LRRC7: variants seen among roughly 807,000 people sequenced by gnomAD.
LRRC7 encodes leucine rich repeat containing 7, also known as leucine-rich repeat-containing protein 7.
Under a neutral mutation model 175.7 loss-of-function variants are expected in LRRC7, and 23 were observed. The ratio of observed to expected loss-of-function variants is 0.13; its 90% CI spans 0.09 to 0.19. LRRC7 has a LOEUF of 0.19. Among genes scored for constraint, LRRC7 ranks in the 10% least tolerant of loss-of-function variants. The probability of loss-of-function intolerance (pLI) is 1.00; values close to 1 mark genes in which losing one functional copy is unlikely to be tolerated. For missense variants in LRRC7, 1,354 were observed against 1,904.7 expected, an observed-to-expected ratio of 0.71 and a Z score of 5.38; for synonymous variants, 685 against 680.9, an observed-to-expected ratio of 1.01 and a Z score of -0.09.
chr1:69,916,927 G>T (rs1354539066), intron 7 of LRRC7, among the ~76,000 whole-genome samples: 1 of 152,092 alleles, frequency 6.6e-6, no homozygotes, highest in Non-Finnish European at 1.5e-5. Flanking sequence ...ATTTTGGTTG[G>T]TGGAAAATGG....
chr1:69,767,306 G>C (rs143468073), intron 3 of LRRC7, among the ~76,000 whole-genome samples: 5 of 151,916 alleles, frequency 3.3e-5, no homozygotes, highest in African/African-American at 1.2e-4. Context: ...CAGAAAATTT[G>C]TTATAAAATG....
chr1:69,867,411 G>A (rs1685063319), intron 7 of LRRC7, among the ~76,000 whole-genome samples: 1 of 152,164 alleles, frequency 6.6e-6, no homozygotes, highest in South Asian at 2.1e-4. Context: ...AAGGTACCTA[G>A]TACAGAGCCA....
chr1:70,028,233 A>T lies in LRRC7; in HGVS notation c.1857A>T (p.Lys619Asn), dbSNP rs368837470. ...PYPEDLKNMV[K>N]SVQNLVGKPS... ...CAGAGGATTTAAAGAATATGGTAAAATCTGTTCAAAATTTGGTGGGTAAGC... is the reference window on the plus strand; with the variant it reads ...CAGAGGATTTAAAGAATATGGTAAATTCTGTTCAAAATTTGGTGGGTAAGC... The change falls in exon 18 of 27, where the codon AAA becomes AAT. Residue 619 changes from lysine (K) to asparagine (N), a missense_variant. Physicochemically the swap from Lys to Asn is moderately conservative, Grantham distance 94. Transcript: ENST00000651989. 3.9e-4 allele frequency: 637 copies of T among 1,613,818 alleles called. 14 individuals carry two copies. In the South Asian group the frequency reaches 6.7e-3, roughly 17 times the overall value.
chr1:69,860,795 G>C (rs138588980), intron 7 of LRRC7, among the ~76,000 whole-genome samples: 28 of 152,098 alleles, frequency 1.8e-4, no homozygotes, highest in Middle Eastern at 6.8e-3. Context: ...AAGAAGATTT[G>C]AATAAATGAA....
chr1:70,037,042 T>C (rs959023952), intron 20 of LRRC7, among the ~76,000 whole-genome samples: 4 of 152,140 alleles, frequency 2.6e-5, no homozygotes, highest in Non-Finnish European at 5.9e-5. Context: ...CATAATTTTA[T>C]CACCACCTGG....
intron 1 of LRRC7, among the ~76,000 whole-genome samples, chr1:69,570,691 T>C (rs2100873200): frequency 6.6e-6 from 1 of 151,968 alleles, no homozygotes; most frequent in African/African-American, 2.4e-5. Context: ...TTTTTGTTTG[T>C]TTGTTTTTAC....
chr1:70,094,665 A>G (rs1302229910), intron 25 of LRRC7, among the ~76,000 whole-genome samples: 3 of 152,214 alleles, frequency 2.0e-5, no homozygotes, highest in Admixed American at 6.5e-5. Context: ...AAGTTTTTAC[A>G]TGATTAATAT....
Position 70,018,808 on chromosome 1 carries a change from T to G in LRRC7, c.1410T>G (p.Arg470=), listed in dbSNP as rs757000873. Residue 470 remains arginine, a synonymous_variant, in exon 15 of 27, where the codon CGT becomes CGG. Coordinates refer to ENST00000651989, the MANE Select transcript of LRRC7 (RefSeq NM_001370785.2). ...ACTACATGTTTCCCCAGCAGCCTCG[T>G]GGTGATGAAGGTAAATTGTCAGTAG... ...LTNYMFPQQP[R]GDEDFQSDSD... is the part of the protein sequence containing the mutation. 11 of 1,611,192 alleles carry G rather than the reference T, an allele frequency of 6.8e-6. No homozygotes were observed. The highest frequency in any genetic ancestry group is 9.3e-6 in the Non-Finnish European group (11 of 1,177,842).
chr1:70,041,477 G>A (rs1166261704), intron 21 of LRRC7, among the ~76,000 whole-genome samples: 1 of 152,172 alleles, frequency 6.6e-6, no homozygotes, highest in Non-Finnish European at 1.5e-5. Context: ...GCTGTCAGTG[G>A]GAGACACCTG....
rs1484026968 is a variant in LRRC7 at position 70,131,012 on chromosome 1, C to A, written c.*9125C>A. Among the ~76,000 whole-genome samples the A allele has an allele frequency of 1.3e-5, 2 of 152,112 alleles. No homozygotes were observed. Among genetic ancestry groups the A allele is most frequent in the Non-Finnish European group, 2.9e-5 (2 of 68,014 alleles). On this transcript the variant is annotated 3_prime_UTR_variant, in exon 27 of 27. Transcript: ENST00000651989. Reference sequence around the variant, plus strand: ...GGCATCATTTCATGAATAGATCCCACCCCCTATATCCCTAAAGTGAAGATG... The same window carrying A: ...GGCATCATTTCATGAATAGATCCCAACCCCTATATCCCTAAAGTGAAGATG...
chr1:70,010,817 T>C (rs550325205), intron 11 of LRRC7, among the ~76,000 whole-genome samples: 170 of 152,328 alleles, frequency 1.1e-3, no homozygotes, highest in African/African-American at 3.9e-3. Flanking sequence ...TTGAAGTGTC[T>C]TGTTGCCTTG....
intron 7 of LRRC7, among the ~76,000 whole-genome samples, chr1:69,927,042 T>G (rs1381276530): frequency 2.6e-5 from 4 of 152,260 alleles, no homozygotes; most frequent in Non-Finnish European, 5.9e-5. Context: ...GTCTGTAAAG[T>G]ATTTTATTTC....
intron 25 of LRRC7, among the ~76,000 whole-genome samples, chr1:70,095,507 T>C (rs936736383): frequency 5.9e-5 from 9 of 152,190 alleles, no homozygotes; most frequent in Admixed American, 3.9e-4. Flanking sequence ...TTGGTAGAGA[T>C]GAAATGTACT....
In LRRC7 at chr1:69,663,438, G is replaced by A. The variant is rs139858801; in HGVS notation, c.3-14943G>A. 5.6e-4 allele frequency among the ~76,000 whole-genome samples: 85 copies of A among 152,162 alleles called. 1 individual carries two copies. Among genetic ancestry groups the A allele is most frequent in the African/African-American group, 1.8e-3 (76 of 41,532 alleles). On this transcript the variant is annotated intron_variant, in intron 1 of 26. Transcript: ENST00000651989. ...TACAAATGATATTAGGATAAATAGA[G>A]TATTCATCACCTCAAGCATTTATCC...
chr1:70,012,339 C>T (rs1656585260), intron 12 of LRRC7, among the ~76,000 whole-genome samples: 1 of 151,280 alleles, frequency 6.6e-6, no homozygotes. Flanking sequence ...CTTCTGGATC[C>T]ACCAAGAGAT....
chr1:69,901,084 G>T (rs529397920), intron 7 of LRRC7, among the ~76,000 whole-genome samples: 1 of 152,252 alleles, frequency 6.6e-6, no homozygotes, highest in African/African-American at 2.4e-5. Flanking sequence ...GCCCAGAAAT[G>T]ATATGATCAA....
chr1:70,135,725 A>AT lies in LRRC7; in HGVS notation c.*13844dup, dbSNP rs1666840466. On this transcript the variant is annotated 3_prime_UTR_variant, in exon 27 of 27. Coordinates refer to ENST00000651989, the MANE Select transcript of LRRC7 (RefSeq NM_001370785.2). ...GAACAAGTCCCATTCTCTAAAAGTG[A>AT]TTTTTTCTCTAGGATATCATCATCC... Among the ~76,000 whole-genome samples the AT allele has an allele frequency of 1.3e-5, 2 of 152,136 alleles. No homozygotes were observed. The highest frequency in any genetic ancestry group is 3.8e-4 in the East Asian group (2 of 5,196).
intron 2 of LRRC7, among the ~76,000 whole-genome samples, chr1:69,736,090 G>T (rs1027223367): frequency 1.3e-5 from 2 of 152,106 alleles, no homozygotes; most frequent in South Asian, 2.1e-4. Flanking sequence ...TAATAATTTT[G>T]ATGCTTTCCT....
At chr1:69,720,689 A>G (rs1666249412) in intron 2 of LRRC7, among the ~76,000 whole-genome samples, 1 of 151,734 alleles carries the variant, frequency 6.6e-6, no homozygotes, top group Non-Finnish European at 1.5e-5. Context: ...TTTGCTGGTT[A>G]TAGAATTTCT....
Sources: gnomAD v4.1 joint callset for allele counts (sites outside exome capture counted in the v4.1 genomes callset) on GRCh38, gnomAD v4.1.1 for gene constraint, MANE v1.5 for transcripts, NCBI Gene and HGNC (gene_info 2026-07-23, HGNC 2026-07-21) for gene names.